The following COBL variants were observed in gnomAD, a reference collection of about 807,000 sequenced individuals.
The protein encoded by COBL is protein cordon-bleu.
COBL carries 51 observed loss-of-function variants against 98.8 expected under a neutral mutation model. That is an observed-to-expected ratio of 0.52 (90% confidence interval 0.41 to 0.65). The LOEUF (loss-of-function observed/expected upper bound fraction) is 0.65, where lower values mean the gene tolerates loss of function less well. Among genes scored for constraint, COBL ranks in the 30% least tolerant of loss-of-function variants. The pLI, the probability that COBL is intolerant of heterozygous loss-of-function variation, is 0.00. For missense variants in COBL, 1,617 were observed against 1,617.5 expected, an observed-to-expected ratio of 1.00 and a Z score of 0.01; for synonymous variants, 634 against 651.7, an observed-to-expected ratio of 0.97 and a Z score of 0.41.
Position 51,299,665 on chromosome 7 carries a change from G to C in COBL, c.41+16928C>G, listed in dbSNP as rs1584441322. Among the ~76,000 whole-genome samples, 3 of 152,310 alleles carry C rather than the reference G, an allele frequency of 2.0e-5. No individual in the cohort carries two copies. In the East Asian group the frequency reaches 5.8e-4, roughly 29 times the overall value. On this transcript the variant is annotated intron_variant, in intron 1 of 12. Transcript: ENST00000265136. Reference sequence around the variant, plus strand: ...GGTGCTGAGGGAGAGGCCGCTGCCAGGCTTCATGGCTATAGGGGTGGGCTG... The same window carrying C: ...GGTGCTGAGGGAGAGGCCGCTGCCACGCTTCATGGCTATAGGGGTGGGCTG...
intron 7 of COBL, among the ~76,000 whole-genome samples, chr7:51,070,168 G>T (rs1792378154): frequency 6.6e-6 from 1 of 152,038 alleles, no homozygotes; most frequent in Non-Finnish European, 1.5e-5. Context: ...CGGCAAAAGG[G>T]TTACCAATTA....
In COBL at chr7:51,030,840, G is replaced by T; in HGVS notation, c.1476C>A (p.Thr492=). The change falls in exon 9 of 13, where the codon ACC becomes ACA. Residue 492 remains threonine (T), a synonymous_variant. Coordinates refer to ENST00000265136, the MANE Select transcript of COBL (RefSeq NM_015198.5). ...DLLIAGEFRK[T]LAELDEDLEE... ...CCAGGTCTTCATCAAGTTCTGCAAG[G>T]GTTTTACGGAACTCTCCAGCAATTA... 1 of 1,612,128 alleles carries T rather than the reference G, an allele frequency of 6.2e-7. No individual in the cohort carries two copies. The highest frequency in any genetic ancestry group is 8.5e-7 in the Non-Finnish European group (1 of 1,179,112).
chr7:51,063,289 C>T (rs1052851843), intron 7 of COBL, among the ~76,000 whole-genome samples: 12 of 151,946 alleles, frequency 7.9e-5, no homozygotes, highest in Non-Finnish European at 1.2e-4. Context: ...CACCCACCAC[C>T]GCGCCCGGCT....
rs528222767 is a variant in COBL, at chr7:51,051,666, C to T, written c.1097-7974G>A. On this transcript the variant is annotated intron_variant, in intron 7 of 12. Coordinates refer to ENST00000265136, the MANE Select transcript of COBL (RefSeq NM_015198.5). ...AATTTCTTTGCCGCACGTGAATATTCCTGTTTCCTTACTATGGATCAGAAA... is the reference window on the plus strand; with the variant it reads ...AATTTCTTTGCCGCACGTGAATATTTCTGTTTCCTTACTATGGATCAGAAA... 3.3e-5 allele frequency among the ~76,000 whole-genome samples: 5 copies of T among 152,290 alleles called. No individual in the cohort carries two copies. The South Asian group carries it at 1.0e-3, about 32-fold the overall frequency.
chr7:51,252,930 T>C (rs889902591), intron 1 of COBL, among the ~76,000 whole-genome samples: 1 of 152,142 alleles, frequency 6.6e-6, no homozygotes, highest in Non-Finnish European at 1.5e-5. Context: ...ATTTTTAAAA[T>C]GCATAATTTT....
At chr7:51,099,079 G>C (rs1441650106) in intron 6 of COBL, among the ~76,000 whole-genome samples, 1 of 149,482 alleles carries the variant, frequency 6.7e-6, no homozygotes, top group Non-Finnish European at 1.5e-5. Context: ...CTTCCACTAG[G>C]ATGGCCACTA....
intron 5 of COBL, among the ~76,000 whole-genome samples, chr7:51,151,351 G>C (rs1013513676): frequency 3.3e-5 from 5 of 152,052 alleles, no homozygotes; most frequent in Admixed American, 6.5e-5. Context: ...TTGAGTTCCC[G>C]TGCCCTGGGA....
intron 8 of COBL, among the ~76,000 whole-genome samples, chr7:51,042,390 T>A (rs1200314972): frequency 6.6e-6 from 1 of 152,176 alleles, no homozygotes; most frequent in Non-Finnish European, 1.5e-5. Context: ...GACTGAGTCT[T>A]GTTCTATTGC....
chr7:51,126,383 G>C (rs981072127), intron 6 of COBL, among the ~76,000 whole-genome samples: 1 of 152,098 alleles, frequency 6.6e-6, no homozygotes, highest in Non-Finnish European at 1.5e-5. Context: ...GGCCAGCACC[G>C]AATAGAGCGG....
At chr7:51,259,771 T>C (rs905643886) in intron 1 of COBL, 1 of 749,380 alleles carries the variant, frequency 1.3e-6, no homozygotes, top group South Asian at 1.3e-5. Flanking sequence ...AAGTTTCCAC[T>C]ATGGGCAGCA....
At chr7:51,311,622 T>C (rs960935677) in intron 1 of COBL, among the ~76,000 whole-genome samples, 52 of 152,162 alleles carry the variant, frequency 3.4e-4, no homozygotes, top group Non-Finnish European at 7.1e-4. Context: ...GACGTAGGCT[T>C]CCCATCAATT....
intron 5 of COBL, among the ~76,000 whole-genome samples, chr7:51,147,087 C>G (rs1422881604): frequency 6.6e-6 from 1 of 152,194 alleles, no homozygotes; most frequent in Non-Finnish European, 1.5e-5. Context: ...AATGGCTTTC[C>G]TCTCAGAATC....
intron 6 of COBL, among the ~76,000 whole-genome samples, chr7:51,127,977 A>G (rs1798384576): frequency 6.6e-6 from 1 of 152,204 alleles, no homozygotes; most frequent in South Asian, 2.1e-4. Flanking sequence ...ACAGTGGAGG[A>G]AGTGGGAAAA....
At chr7:51,048,411 ATTGCCATTTACAATGGCAAAAATATT>A (rs912196566) in intron 7 of COBL, among the ~76,000 whole-genome samples, 2 of 152,296 alleles carry the variant, frequency 1.3e-5, no homozygotes, top group African/African-American at 4.8e-5. Flanking sequence ...TTAATTGTAA[ATTGCCATTTACAATGGCAAAAATATT>A]TTGCCATTTA....
chr7:51,032,032 T>C (rs979418157), intron 8 of COBL: 5 of 152,322 alleles, frequency 3.3e-5, no homozygotes, highest in African/African-American at 1.2e-4. Flanking sequence ...AATTATCTTA[T>C]TATAACCCTC....
chr7:51,185,468 A>G (rs561419460), intron 4 of COBL, among the ~76,000 whole-genome samples: 1 of 152,186 alleles, frequency 6.6e-6, no homozygotes, highest in Non-Finnish European at 1.5e-5. Flanking sequence ...GTTGAGGGTG[A>G]GTGCATCAAG....
chr7:51,140,876 T>C (rs1424551214), intron 5 of COBL, among the ~76,000 whole-genome samples: 1 of 152,206 alleles, frequency 6.6e-6, no homozygotes, highest in Non-Finnish European at 1.5e-5. Flanking sequence ...AAGCTGAGCA[T>C]GTTCAACGTA....
intron 1 of COBL, among the ~76,000 whole-genome samples, chr7:51,222,549 T>A (rs893079510): frequency 1.3e-5 from 2 of 152,144 alleles, no homozygotes; most frequent in Non-Finnish European, 2.9e-5. Flanking sequence ...TTAACCACTA[T>A]GTTATTCAGT....
intron 2 of COBL, among the ~76,000 whole-genome samples, chr7:51,215,415 A>G (rs139750690): frequency 1.6e-4 from 24 of 152,330 alleles, no homozygotes; most frequent in Middle Eastern, 3.4e-3. Flanking sequence ...ACACAAATAA[A>G]GCCTTAATGA....
Sources: allele counts gnomAD v4.1 joint callset (sites outside exome capture counted in the v4.1 genomes callset), GRCh38; gene constraint gnomAD v4.1.1; transcripts MANE v1.5; gene names NCBI Gene and HGNC (gene_info 2026-07-23, HGNC 2026-07-21).